The following ADGB variants were observed in gnomAD, a reference collection of about 807,000 sequenced individuals.
ADGB encodes the protein androglobin, also known as calpain-7-like protein.
ADGB carries 172 observed loss-of-function variants against 210.5 expected under a neutral mutation model. The ratio of observed to expected loss-of-function variants is 0.82; its 90% CI spans 0.72 to 0.93. The LOEUF (loss-of-function observed/expected upper bound fraction) is 0.93. Ranked by LOEUF, ADGB falls within the 40% of genes least tolerant of loss-of-function variation. The pLI, the probability that ADGB is intolerant of heterozygous loss-of-function variation, is 0.00. For missense variants in ADGB, 2,025 were observed against 1,964.8 expected, an observed-to-expected ratio of 1.03 and a Z score of -0.58; for synonymous variants, 658 against 662.7, an observed-to-expected ratio of 0.99 and a Z score of 0.11.
intron 33 of ADGB, among the ~76,000 whole-genome samples, chr6:146,790,134 A>G (rs906125079): frequency 1.3e-5 from 2 of 152,204 alleles, no homozygotes; most frequent in Non-Finnish European, 2.9e-5. Context: ...GAATGATCAA[A>G]TTAGGCTAAT....
chr6:146,787,663 CCACCTTTCTTATTTCAACATTTCTTCAT>C (rs1330671858), intron 32 of ADGB, among the ~76,000 whole-genome samples: 1 of 46,436 alleles, frequency 2.2e-5, no homozygotes, highest in Non-Finnish European at 4.3e-5. Context: ...TTTCCTATTG[CCACCTTTCTTATTTCAACATTTCTTCAT>C]GCTCTTAAGT....
At chr6:146,726,256 C>G in intron 19 of ADGB, 59 bp downstream of exon 19, 2 of 1,237,008 alleles carry the variant, frequency 1.6e-6, no homozygotes, top group South Asian at 1.4e-5. Context: ...GAGTCTCGCA[C>G]TGTTGCCAGG....
intron 1 of ADGB, among the ~76,000 whole-genome samples, chr6:146,615,067 A>AAT (rs1378539844): frequency 1.4e-5 from 2 of 145,740 alleles, no homozygotes; most frequent in East Asian, 4.0e-4. Context: ...CGCCCGGCTA[A>AAT]TTTTTTTTTT....
intron 30 of ADGB, among the ~76,000 whole-genome samples, chr6:146,783,937 C>A (rs1777836826): frequency 6.6e-6 from 1 of 152,148 alleles, no homozygotes; most frequent in African/African-American, 2.4e-5. Flanking sequence ...TGGAAATGAT[C>A]AACTATCCTA....
chr6:146,651,624 A>G (rs2114879621), intron 3 of ADGB, among the ~76,000 whole-genome samples: 1 of 152,274 alleles, frequency 6.6e-6, no homozygotes, highest in African/African-American at 2.4e-5. Flanking sequence ...TCTTGTTGAT[A>G]TCATTGATAT....
At chr6:146,771,430 A>G (rs99337) in intron 29 of ADGB, among the ~76,000 whole-genome samples, 76,913 of 151,856 alleles carry the variant, frequency 0.51, 20,004 homozygotes, top group Admixed American at 0.6. Context: ...ATGTTACCAT[A>G]TTCTCTTTCT....
intron 5 of ADGB, among the ~76,000 whole-genome samples, chr6:146,663,609 G>A (rs889707028): frequency 1.3e-4 from 19 of 151,780 alleles, no homozygotes; most frequent in Admixed American, 6.6e-4. Context: ...GCACGCAAAC[G>A]TATTTTTTAT....
rs759180685 is a variant in ADGB at position 146,691,252 on chromosome 6, G to A, written c.1448G>A (p.Arg483His). 7.2e-5 allele frequency: 111 copies of A among 1,545,766 alleles called. No homozygotes were observed. Among genetic ancestry groups the A allele is most frequent in the South Asian group, 8.4e-5 (7 of 83,738 alleles). The change falls in exon 11 of 36, where the codon CGT (arginine) becomes CAT (histidine). Residue 483 changes from arginine (R) to histidine (H), a missense_variant. Physicochemically the swap from Arg to His is conservative, Grantham distance 29. Transcript: ENST00000397944. The stretch of plus-strand genomic sequence containing the variant: ...CCTCTACCTCCCTGGAAACTCATTC[G>A]TCAAAAAAAGGAAACTGTTATAACA... The part of the protein sequence containing the change: ...PPPLPPWKLI[R>H]QKKETVITDE...
At chr6:146,721,741 A>G (rs6937842) in intron 17 of ADGB, among the ~76,000 whole-genome samples, 69,244 of 152,006 alleles carry the variant, frequency 0.46, 16,694 homozygotes, top group African/African-American at 0.61. Context: ...AGGAGGCTGA[A>G]GCAGGACAAT....
chr6:146,657,337 A>G (rs1775800894), intron 5 of ADGB, among the ~76,000 whole-genome samples: 3 of 152,062 alleles, frequency 2.0e-5, no homozygotes, highest in African/African-American at 7.2e-5. Context: ...AAAAAAAGAA[A>G]GAAAGAAAGA....
rs191204629 is a variant in ADGB at position 146,632,960 on chromosome 6, T to A, written c.75-2415T>A. Among the ~76,000 whole-genome samples the A allele has an allele frequency of 1.8e-4, 27 of 152,204 alleles. No individual in the cohort carries two copies. The East Asian group carries it at 5.2e-3, about 30-fold the overall frequency. On this transcript the variant is annotated intron_variant, in intron 1 of 35. Transcript: ENST00000397944. ...TTATTTTCTTGATGATTTCATCCAG[T>A]CTTAAGACTTTAAATACCACCTAGA...
chr6:146,700,795 A>G (rs1465050133), intron 12 of ADGB, 146 bp from the exon 13 acceptor site: 13 of 912,888 alleles, frequency 1.4e-5, no homozygotes, highest in Non-Finnish European at 2.1e-5. Flanking sequence ...ACATGAGGTA[A>G]AAAACATTAC....
chr6:146,616,940 C>G (rs1186112836), intron 1 of ADGB, among the ~76,000 whole-genome samples: 1 of 151,930 alleles, frequency 6.6e-6, no homozygotes, highest in Non-Finnish European at 1.5e-5. Context: ...TTGTTTGGGG[C>G]TCCATACAAA....
At chr6:146,724,093 T>C (rs1776860179) in intron 17 of ADGB, 93 bp from the exon 18 acceptor site, 1 of 1,015,170 alleles carries the variant, frequency 9.9e-7, no homozygotes, top group Non-Finnish European at 1.4e-6. Context: ...ATTATTGTTA[T>C]TTATGTTGTT....
At chr6:146,715,591 A>G (rs970973618) in intron 14 of ADGB, among the ~76,000 whole-genome samples, 176 bp downstream of exon 14, 2 of 152,164 alleles carry the variant, frequency 1.3e-5, no homozygotes, top group Non-Finnish European at 2.9e-5. Flanking sequence ...CAATTGTTAA[A>G]TTGAAGCTAA....
In ADGB at chr6:146,622,425, G is replaced by T. The variant is rs569040685; in HGVS notation, c.75-12950G>T. ...GATCAGATCCACACAGACAATCTTT[G>T]TTATTTTAAGGTCAACTATCCCATA... On this transcript the variant is annotated intron_variant, in intron 1 of 35. Transcript: ENST00000397944. Among the ~76,000 whole-genome samples the T allele has an allele frequency of 7.2e-5, 11 of 152,164 alleles. No homozygotes were observed. The East Asian group carries it at 1.9e-3, about 27-fold the overall frequency.
intron 1 of ADGB, among the ~76,000 whole-genome samples, chr6:146,606,993 T>A (rs1780639341): frequency 6.6e-6 from 1 of 152,216 alleles, no homozygotes; most frequent in East Asian, 1.9e-4. Flanking sequence ...TTGGGCAGCA[T>A]GGTCATTTTA....
intron 23 of ADGB, among the ~76,000 whole-genome samples, chr6:146,737,263 C>T (rs1416826589): frequency 2.6e-5 from 4 of 151,940 alleles, no homozygotes; most frequent in Admixed American, 6.6e-5. Flanking sequence ...ATGGAAAGTA[C>T]GTCAATGAAC....
intron 1 of ADGB, among the ~76,000 whole-genome samples, chr6:146,613,027 G>A (rs1377572191): frequency 2.6e-5 from 4 of 151,910 alleles, no homozygotes; most frequent in African/African-American, 7.3e-5. Flanking sequence ...TCTCTCTTCC[G>A]TGCTAATAAA....
Sources: allele counts gnomAD v4.1 joint callset (sites outside exome capture counted in the v4.1 genomes callset), GRCh38; gene constraint gnomAD v4.1.1; transcripts MANE v1.5; gene names NCBI Gene and HGNC (gene_info 2026-07-23, HGNC 2026-07-21).